The following PLCB4 variants were observed in gnomAD, a reference collection of about 807,000 sequenced individuals.
PLCB4 encodes the protein 1-phosphatidylinositol 4,5-bisphosphate phosphodiesterase beta-4.
A neutral mutation model predicts 178.8 loss-of-function variants in PLCB4; 77 were observed. The ratio of observed to expected loss-of-function variants is 0.43; its 90% confidence interval spans 0.36 to 0.52. PLCB4 has a LOEUF of 0.52. Ranked by LOEUF, PLCB4 falls within the 20% of genes least tolerant of loss-of-function variation. The pLI is 0.00. For missense variants in PLCB4, 1,024 were observed against 1,453.4 expected, an observed-to-expected ratio of 0.70 and a Z score of 4.80; for synonymous variants, 496 against 490.8, an observed-to-expected ratio of 1.01 and a Z score of -0.14.
chr20:9,153,509 T>G (rs541025901), intron 2 of PLCB4, among the ~76,000 whole-genome samples: 2 of 152,166 alleles, frequency 1.3e-5, no homozygotes, highest in Admixed American at 6.6e-5. Flanking sequence ...ATGTAAGAAG[T>G]GCCTTTCAAC....
chr20:9,431,769 C>G (rs1164157230), intron 28 of PLCB4, among the ~76,000 whole-genome samples: 6 of 152,000 alleles, frequency 3.9e-5, no homozygotes, highest in Non-Finnish European at 7.4e-5. Context: ...CTCAGCCTCC[C>G]AAAGTACTGG....
intron 4 of PLCB4, among the ~76,000 whole-genome samples, chr20:9,328,114 A>C (rs1240729940): frequency 1.3e-5 from 2 of 152,232 alleles, no homozygotes; most frequent in African/African-American, 4.8e-5. Flanking sequence ...TTGAAGGGAA[A>C]AAAGTAAACA....
At chr20:9,455,001 C>T (rs967358625) in intron 33 of PLCB4, among the ~76,000 whole-genome samples, 4 of 152,156 alleles carry the variant, frequency 2.6e-5, no homozygotes, top group African/African-American at 7.2e-5. Context: ...TCACCCACCT[C>T]GGAGCTCATG....
At chr20:9,079,348 C>G (rs1003271163) in intron 1 of PLCB4, among the ~76,000 whole-genome samples, 4 of 152,060 alleles carry the variant, frequency 2.6e-5, no homozygotes, top group African/African-American at 9.7e-5. Context: ...TAAAGAAAGA[C>G]CCAGCAGTGA....
At chr20:9,274,380 G>A (rs149247637) in intron 3 of PLCB4, among the ~76,000 whole-genome samples, 28 of 152,048 alleles carry the variant, frequency 1.8e-4, no homozygotes, top group African/African-American at 5.3e-4. Context: ...TTAAGTTGCC[G>A]TAAAAAAGAG....
intron 1 of PLCB4, among the ~76,000 whole-genome samples, chr20:9,092,558 G>C (rs1364507897): frequency 6.6e-6 from 1 of 152,142 alleles, no homozygotes; most frequent in East Asian, 1.9e-4. Context: ...GGGAAAATAA[G>C]TTATTGCTGG....
chr20:9,221,075 C>T (rs2093792699), intron 3 of PLCB4, among the ~76,000 whole-genome samples: 1 of 151,794 alleles, frequency 6.6e-6, no homozygotes, highest in African/African-American at 2.4e-5. Context: ...AGTGGTTTAT[C>T]AAGGCAGGGC....
intron 2 of PLCB4, among the ~76,000 whole-genome samples, chr20:9,203,933 G>A (rs1214151523): frequency 1.3e-4 from 20 of 151,884 alleles, no homozygotes; most frequent in African/African-American, 3.9e-4. Context: ...AGAGTCCCAA[G>A]AGATTTGGCC....
intron 3 of PLCB4, among the ~76,000 whole-genome samples, chr20:9,304,417 G>A (rs535011983): frequency 6.6e-6 from 1 of 152,078 alleles, no homozygotes; most frequent in South Asian, 2.1e-4. Flanking sequence ...TCACATGTGT[G>A]TGGGTAGCCA....
At chr20:9,358,926 G>A (rs923390881) in intron 7 of PLCB4, among the ~76,000 whole-genome samples, 5 of 152,008 alleles carry the variant, frequency 3.3e-5, no homozygotes, top group African/African-American at 4.8e-5. Flanking sequence ...AGGAAATACC[G>A]AAAGCAAAAT....
intron 2 of PLCB4, among the ~76,000 whole-genome samples, chr20:9,115,949 T>C (rs919380321): frequency 1.2e-4 from 18 of 152,174 alleles, no homozygotes; most frequent in African/African-American, 4.3e-4. Flanking sequence ...GTAACAGGAA[T>C]TTGGGAAACA....
chr20:9,461,444 A>C (rs1258467791), intron 35 of PLCB4, among the ~76,000 whole-genome samples: 1 of 152,214 alleles, frequency 6.6e-6, no homozygotes, highest in Non-Finnish European at 1.5e-5. Context: ...GAGCCAAAGC[A>C]GGGTGGGGTG....
intron 9 of PLCB4, among the ~76,000 whole-genome samples, chr20:9,370,270 T>C (rs6056581): frequency 0.044 from 6,640 of 152,216 alleles, 489 homozygotes; most frequent in African/African-American, 0.15. Flanking sequence ...TGTTGAAACA[T>C]TGGATAATTG....
chr20:9,471,663 A>AC (rs1266471495), intron 36 of PLCB4, among the ~76,000 whole-genome samples: 1 of 152,218 alleles, frequency 6.6e-6, no homozygotes, highest in African/African-American at 2.4e-5. Context: ...ACTCTACCTC[A>AC]CCAGTAGTCA....
chr20:9,463,268 A>G lies in PLCB4; in HGVS notation c.3248+3458A>G, dbSNP rs977025450. ...CCTTATAAGAGCTCCTGAAGGAAGC[A>G]TTAAACATGGAAAGAAACAACCGGT... is the stretch of plus-strand genomic sequence containing the variant. On this transcript the variant is annotated intron_variant, in intron 35 of 39. Transcript: ENST00000378473. Among the ~76,000 whole-genome samples the G allele has an allele frequency of 2.0e-5, 3 of 152,200 alleles. 1 individual carries two copies. The highest frequency in any genetic ancestry group is 6.3e-3 in the Middle Eastern group (2 of 316).
intron 2 of PLCB4, among the ~76,000 whole-genome samples, chr20:9,142,511 C>T (rs867752543): frequency 1.3e-5 from 2 of 152,066 alleles, no homozygotes; most frequent in Non-Finnish European, 2.9e-5. Flanking sequence ...ATCCAATGAA[C>T]ACAAACTTGG....
intron 3 of PLCB4, among the ~76,000 whole-genome samples, chr20:9,277,213 T>A (rs185143759): frequency 4.3e-4 from 66 of 152,132 alleles, no homozygotes; most frequent in African/African-American, 1.5e-3. Flanking sequence ...AGTAAACATG[T>A]TTAACCTAGA....
In PLCB4 at chr20:9,444,244, G is replaced by C. The variant is rs1388964075; in HGVS notation, c.2880+1G>C. 6.4e-7 allele frequency: 1 copy of C among 1,572,358 alleles called. No homozygotes were observed. Among genetic ancestry groups the C allele is most frequent in the Non-Finnish European group, 8.7e-7 (1 of 1,143,522 alleles). ...TTCTTTAAAGAAGAAACATGCAAAG[G>C]TACAGTGCTCTACAGCTACTATTTT... On this transcript the variant is annotated splice_donor_variant, in intron 32 of 39. Coordinates refer to ENST00000378473, the MANE Select transcript of PLCB4 (RefSeq NM_001377142.1). LOFTEE classifies it high-confidence loss of function.
In PLCB4 at chr20:9,479,041, A is replaced by C; in HGVS notation, c.*32A>C. ...AAACCCACAAAGCATCAAAAGACTC[A>C]CTCACAAACTTCTGAACACAAACTC... On this transcript the variant is annotated 3_prime_UTR_variant, in exon 40 of 40. Coordinates refer to ENST00000378473, the MANE Select transcript of PLCB4 (RefSeq NM_001377142.1). 59 of 1,465,818 alleles carry C rather than the reference A, an allele frequency of 4.0e-5. No homozygotes were observed. Among genetic ancestry groups the C allele is most frequent in the Non-Finnish European group, 5.2e-5 (54 of 1,046,964 alleles). The allele number at this position is 1,465,818 out of a possible 1,614,324, so 90.8% of individuals were successfully genotyped here. A position where few individuals can be genotyped will look rare whatever the true frequency, so the allele number is the denominator to read the frequency against.
Sources: allele counts gnomAD v4.1 joint callset (sites outside exome capture counted in the v4.1 genomes callset), GRCh38; gene constraint gnomAD v4.1.1; transcripts MANE v1.5; gene names NCBI Gene and HGNC (gene_info 2026-07-23, HGNC 2026-07-21).